Variants in MIB2 observed in about 807,000 individuals in gnomAD.
MIB2 encodes the protein MIB E3 ubiquitin protein ligase 2.
Under a neutral mutation model 96.6 loss-of-function variants are expected in MIB2, and 78 were observed. The observed-to-expected ratio is 0.81, with a 90% CI of 0.67 to 0.97. MIB2 has a LOEUF of 0.97. Among genes scored for constraint, MIB2 ranks in the 50% least tolerant of loss-of-function variants. The probability of loss-of-function intolerance (pLI) is 0.00; values close to 1 mark genes in which losing one functional copy is unlikely to be tolerated. For synonymous variants in MIB2, 820 were observed against 629.5 expected (o/e 1.30, Z -4.53); for missense variants, 1,543 against 1,424.0 (o/e 1.08, Z -1.35).
rs371922773 is a variant in MIB2, at chr1:1,623,445, C to G, written c.-8C>G. On this transcript the variant is annotated 5_prime_UTR_variant, in exon 3 of 20. Coordinates refer to ENST00000355826, the MANE Select transcript of MIB2 (RefSeq NM_001170687.4). ...TCTGCCCACAGGTCCCGAGCAGCCC[C>G]GCCCAACATGGACCCAGACCCCCAG... 1.2e-6 allele frequency: 2 copies of G among 1,600,800 alleles called. No homozygotes were observed. Among genetic ancestry groups the G allele is most frequent in the African/African-American group, 2.7e-5 (2 of 74,156 alleles).
Position 1,630,443 on chromosome 1 carries a change from C to A in MIB2, c.2781C>A (p.His927Gln). The A allele has an allele frequency of 6.3e-7, 1 of 1,590,352 alleles. No individual in the cohort carries two copies. The change falls in exon 20 of 20, where the codon CAC (histidine) becomes CAA (glutamine). Residue 927 changes from histidine to glutamine, a missense_variant. Coordinates refer to ENST00000355826, the MANE Select transcript of MIB2 (RefSeq NM_001170687.4). ...SHIRLVFQCG[H>Q]GACAPCGSAL... ...TCCGCCTCGTGTTCCAGTGCGGCCACGGCGCATGCGCCCCCTGCGGCTCCG... is the reference window on the plus strand; with the variant it reads ...TCCGCCTCGTGTTCCAGTGCGGCCAAGGCGCATGCGCCCCCTGCGGCTCCG...
rs549693524 is a variant in MIB2, at chr1:1,616,774, C to T, written c.-23+160C>T. The T allele has an allele frequency of 3.2e-5, 19 of 591,670 alleles. No homozygotes were observed. The African/African-American group carries it at 3.3e-4, about 10-fold the overall frequency. 36.7% of individuals were successfully genotyped at this position (591,670 alleles called of 1,614,324 possible). ...CGCGTCTCCTCTCTGAGTTCGGAAC[C>T]CATGGAGGAAGAAAGCAGAGGTGCC... On this transcript the variant is annotated intron_variant, in intron 2 of 19. Transcript: ENST00000355826.
In MIB2 at chr1:1,629,247, C is replaced by A. The variant is rs1463892866; in HGVS notation, c.2317C>A (p.Pro773Thr). ...CTACACCAACCACCGCGGTCGGAGC[C>A]CGCTGGACCTGGCCGCCGAGGGTCG... ...VSYTNHRGRS[P>T]LDLAAEGRVL... The change falls in exon 17 of 20, where the codon CCG becomes ACG. Residue 773 changes from proline to threonine, a missense_variant. Coordinates refer to ENST00000355826, the MANE Select transcript of MIB2 (RefSeq NM_001170687.4). 4 of 1,545,116 alleles carry A rather than the reference C, an allele frequency of 2.6e-6. No individual in the cohort carries two copies. The highest frequency in any genetic ancestry group is 8.6e-7 in the Non-Finnish European group (1 of 1,156,796).
chr1:1,629,700 C>A lies in MIB2; in HGVS notation c.2625C>A (p.Arg875=), dbSNP rs369053474. The change falls in exon 19 of 20, where the codon CGC becomes CGA. Residue 875 remains arginine (R), a synonymous_variant. Transcript: ENST00000355826. The part of the protein sequence containing the change: ...RCQVVVSKKL[R]PDGSEVASAA... Reference sequence around the variant, plus strand: ...AGGTGGTCGTCAGCAAGAAACTGCGCCCAGGTGGGTGAGGCTCTGCGCCCC... The same window carrying A: ...AGGTGGTCGTCAGCAAGAAACTGCGACCAGGTGGGTGAGGCTCTGCGCCCC... The A allele has an allele frequency of 4.4e-6, 7 of 1,594,922 alleles. No individual in the cohort carries two copies. In the African/African-American group the frequency reaches 9.5e-5, roughly 22 times the overall value.
intron 2 of MIB2, among the ~76,000 whole-genome samples, chr1:1,619,580 C>T (rs1209429229): frequency 6.6e-6 from 1 of 152,210 alleles, no homozygotes; most frequent in East Asian, 1.9e-4. Flanking sequence ...GGAAGTGGGA[C>T]AGACCCCAGA....
Position 1,627,686 on chromosome 1 carries a change from G to T in MIB2, c.1537G>T (p.Ala513Ser). The T allele has an allele frequency of 6.3e-7, 1 of 1,594,240 alleles. No homozygotes were observed. The highest frequency in any genetic ancestry group is 8.5e-7 in the Non-Finnish European group (1 of 1,178,170). The change falls in exon 13 of 20, where the codon GCC (alanine) becomes TCC (serine). Residue 513 changes from alanine to serine, a missense_variant. Transcript: ENST00000355826. ...CTCTCCTGTCAGGAACCAGCCCGAGGCCACCAGGGTGCTCCTGAGTGCTGG... is the reference window on the plus strand; with the variant it reads ...CTCTCCTGTCAGGAACCAGCCCGAGTCCACCAGGGTGCTCCTGAGTGCTGG... ...HYAALGNQPE[A>S]TRVLLSAGCR...
rs779223762 is a variant in MIB2 at position 1,628,500 on chromosome 1, C to T, written c.1980C>T (p.Asp660=). The T allele has an allele frequency of 7.5e-6, 12 of 1,599,180 alleles. No individual in the cohort carries two copies. Among genetic ancestry groups the T allele is most frequent in the East Asian group, 4.5e-5 (2 of 44,624 alleles). ...CCACCCCTCCCCAGGGCCGCTGTGA[C>T]GTGAACGTGCGCAACCGGAAGCTGC... is the stretch of plus-strand genomic sequence containing the variant. ...AQILIREGRC[D]VNVRNRKLQS... The change falls in exon 16 of 20, where the codon GAC becomes GAT. Residue 660 remains aspartate, a synonymous_variant. Coordinates refer to ENST00000355826, the MANE Select transcript of MIB2 (RefSeq NM_001170687.4).
At chr1:1,622,310 T>G (rs1644334635) in intron 2 of MIB2, among the ~76,000 whole-genome samples, 1 of 152,246 alleles carries the variant, frequency 6.6e-6, no homozygotes, top group Non-Finnish European at 1.5e-5. Flanking sequence ...CAGCCAGCTG[T>G]AGCCTCCACC....
intron 2 of MIB2, 152 bp from the exon 3 acceptor site, chr1:1,623,279 C>T: frequency 4.5e-6 from 6 of 1,330,166 alleles, no homozygotes; most frequent in East Asian, 2.8e-5. Context: ...CTCCTTGGGC[C>T]CTAGGGCTTG....
chr1:1,622,458 G>A (rs1035020864), intron 2 of MIB2, among the ~76,000 whole-genome samples: 1 of 150,824 alleles, frequency 6.6e-6, no homozygotes, highest in Non-Finnish European at 1.5e-5. Context: ...GCCCAGACTG[G>A]GGATTAGCAG....
At position 1,629,323 on chromosome 1, in the gene MIB2, G is replaced by C; in HGVS notation, c.2381+12G>C. On this transcript the variant is annotated intron_variant, in intron 17 of 19. Transcript: ENST00000355826. The stretch of plus-strand genomic sequence containing the variant: ...GCCCAGCGCTTCCGGTGAGTCCGTG[G>C]ACGGCGGGGATGGGGTCCGGCGGCC... 1 of 1,474,202 alleles carries C rather than the reference G, an allele frequency of 6.8e-7. No individual in the cohort carries two copies. Among genetic ancestry groups the C allele is most frequent in the South Asian group, 1.4e-5 (1 of 72,180 alleles). 91.3% of individuals were successfully genotyped at this position (1,474,202 alleles called of 1,614,324 possible).
At chr1:1,627,568 G>T (rs536269730) in intron 12 of MIB2, 105 bp from the exon 13 acceptor site, 1 of 1,479,744 alleles carries the variant, frequency 6.8e-7, no homozygotes, top group Admixed American at 2.4e-5. Context: ...GAGGGGCCCG[G>T]CGGGGCTGAG....
chr1:1,620,994 T>A (rs1207475955), intron 2 of MIB2, among the ~76,000 whole-genome samples: 3 of 152,216 alleles, frequency 2.0e-5, no homozygotes, highest in African/African-American at 7.2e-5. Flanking sequence ...CAGTCAGCGC[T>A]GGGATGGCTA....
At position 1,627,172 on chromosome 1, in the gene MIB2, C is replaced by A. The variant is rs780151717; in HGVS notation, c.1339C>A (p.Arg447=). 1.4e-5 allele frequency: 23 copies of A among 1,591,494 alleles called. No individual in the cohort carries two copies. The Admixed American group carries it at 4.1e-4, about 28-fold the overall frequency. The part of the protein sequence containing the change: ...VVEVALGNAA[R]ALDLLRRRPE... Reference sequence around the variant, plus strand: ...GGAGGTGGCGCTGGGTAACGCAGCCCGGGCTCTGGACCTGCTGCGGAGGCG... The same window carrying A: ...GGAGGTGGCGCTGGGTAACGCAGCCAGGGCTCTGGACCTGCTGCGGAGGCG... The change falls in exon 11 of 20, where the codon CGG becomes AGG. Residue 447 remains arginine, a synonymous_variant. Transcript: ENST00000355826.
At chr1:1,616,366 T>A in intron 1 of MIB2, 142 bp from the exon 2 acceptor site, 1 of 629,246 alleles carries the variant, frequency 1.6e-6, no homozygotes, top group Non-Finnish European at 2.6e-6. Flanking sequence ...AGGGAGCCCA[T>A]CCGGGCAGGC....
intron 2 of MIB2, among the ~76,000 whole-genome samples, chr1:1,620,731 A>G (rs1157256609): frequency 6.6e-6 from 1 of 152,216 alleles, no homozygotes; most frequent in Admixed American, 6.5e-5. Flanking sequence ...TGGGTGCTCC[A>G]TGGGCAAAAG....
rs890563198 is a variant in MIB2, at chr1:1,625,996, G to C, written c.972+343G>C. On this transcript the variant is annotated intron_variant, in intron 8 of 19. Transcript: ENST00000355826. This position sits in a 1 kb window ranked among gnomAD's most constrained non-coding sequence, Gnocchi z 5.0. ...GGTTAGTGCTGTATGGGGGCCGATG[G>C]GGGTGGCTGGTTAGGACAGGGAGGT... The C allele has an allele frequency of 8.1e-5, 26 of 320,758 alleles. No homozygotes were observed. The highest frequency in any genetic ancestry group is 1.3e-4 in the Non-Finnish European group (23 of 171,886). 19.9% of individuals were successfully genotyped at this position (320,758 alleles called of 1,614,324 possible).
upstream of MIB2, chr1:1,615,491 T>TGGGCTCCCGCCCTTCGGGTCCC: frequency 6.6e-7 from 1 of 1,525,928 alleles, no homozygotes; most frequent in East Asian, 2.5e-5. Context: ...GGGCGGGCCC[T>TGGGCTCCCGCCCTTCGGGTCCC]GGGCTCCCGC....
rs751036364 is a variant in MIB2 at position 1,628,082 on chromosome 1, G to T, written c.1744G>T (p.Val582Phe). Residue 582 changes from valine (V) to phenylalanine (F), a missense_variant, in exon 14 of 20, where the codon GTC becomes TTC. Physicochemically the swap from Val to Phe is conservative, Grantham distance 50. Coordinates refer to ENST00000355826, the MANE Select transcript of MIB2 (RefSeq NM_001170687.4). ...GGCGGGCACTGGAGCCAGCGGCATT[G>T]TCGAGGTCCTCACGGAGGTGCCAAA... ...ISAGTGASGI[V>F]EVLTEVPNID... is the part of the protein sequence containing the mutation. 9 of 1,613,266 alleles carry T rather than the reference G, an allele frequency of 5.6e-6. No homozygotes were observed. In the East Asian group the frequency reaches 2.0e-4, roughly 36 times the overall value.
Sources: allele counts gnomAD v4.1 joint callset (sites outside exome capture counted in the v4.1 genomes callset), GRCh38; gene constraint gnomAD v4.1.1; non-coding constraint Gnocchi (gnomAD v3.1); transcripts MANE v1.5; gene names NCBI Gene and HGNC (gene_info 2026-07-23, HGNC 2026-07-21).